Variants in FA2H observed in about 807,000 individuals in gnomAD.
FA2H encodes the protein fatty acid 2-hydroxylase.
Under a neutral mutation model 44.9 loss-of-function variants are expected in FA2H, and 22 were observed. The observed-to-expected ratio is 0.49, with a 90% CI of 0.35 to 0.70. The LOEUF (loss-of-function observed/expected upper bound fraction) is 0.70. Ranked by LOEUF, FA2H falls within the 30% of genes least tolerant of loss-of-function variation. The pLI, the probability that FA2H is intolerant of heterozygous loss-of-function variation, is 0.01. For synonymous variants in FA2H, 243 were observed against 213.2 expected (o/e 1.14, Z -1.22); for missense variants, 501 against 504.9 (o/e 0.99, Z 0.07).
At chr16:74,721,356 C>G (rs1391923392) in intron 4 of FA2H, among the ~76,000 whole-genome samples, 1 of 152,104 alleles carries the variant, frequency 6.6e-6, no homozygotes, top group East Asian at 1.9e-4. Context: ...TTAGTAGAGA[C>G]AGAGTTTCAA....
At chr16:74,749,342 A>C (rs943055651) in intron 1 of FA2H, among the ~76,000 whole-genome samples, 6 of 152,162 alleles carry the variant, frequency 3.9e-5, no homozygotes, top group Non-Finnish European at 7.4e-5. Flanking sequence ...GAGAAGCCTC[A>C]GAACCCCCGA....
At chr16:74,752,874 C>G (rs527450676) in intron 1 of FA2H, among the ~76,000 whole-genome samples, 1 of 152,258 alleles carries the variant, frequency 6.6e-6, no homozygotes, top group Admixed American at 6.5e-5. Flanking sequence ...GGCGGGAGGC[C>G]ATCGCAGATC....
chr16:74,765,376 C>T (rs867790211), intron 1 of FA2H, among the ~76,000 whole-genome samples: 6 of 152,116 alleles, frequency 3.9e-5, no homozygotes, highest in Admixed American at 6.5e-5. Flanking sequence ...AGGCTGGTCT[C>T]GGACTCCTGA....
chr16:74,725,533 C>T (rs1961934045), intron 4 of FA2H, among the ~76,000 whole-genome samples: 1 of 152,236 alleles, frequency 6.6e-6, no homozygotes. Context: ...AGCTGGGGCG[C>T]ACCTGGTATC....
At chr16:74,725,706 C>T (rs1029273429) in intron 4 of FA2H, among the ~76,000 whole-genome samples, 2 of 152,174 alleles carry the variant, frequency 1.3e-5, no homozygotes, top group African/African-American at 4.8e-5. Flanking sequence ...TGGCAAGTGT[C>T]CCATAGAGGT....
chr16:74,763,643 C>T (rs1962754542), intron 1 of FA2H, among the ~76,000 whole-genome samples: 1 of 152,160 alleles, frequency 6.6e-6, no homozygotes, highest in Non-Finnish European at 1.5e-5. Flanking sequence ...GAACATCATT[C>T]AATGCTAAGC....
At chr16:74,770,872 G>A (rs1023634614) in intron 1 of FA2H, among the ~76,000 whole-genome samples, 3 of 152,210 alleles carry the variant, frequency 2.0e-5, no homozygotes, top group African/African-American at 7.2e-5. Flanking sequence ...AGCATGGCCC[G>A]CCCTCGGGCT....
At chr16:74,717,530 G>A (rs116207483) in intron 5 of FA2H, among the ~76,000 whole-genome samples, 2,914 of 152,340 alleles carry the variant, frequency 0.019, 95 homozygotes, top group African/African-American at 0.067. Flanking sequence ...GCTTTCAAGC[G>A]CTGAGGTGGC....
chr16:74,718,781 G>C (rs909480940), intron 5 of FA2H, among the ~76,000 whole-genome samples: 4 of 152,218 alleles, frequency 2.6e-5, no homozygotes, highest in African/African-American at 9.6e-5. Flanking sequence ...CCTGGGGTCA[G>C]CTTGATGCTG....
At chr16:74,720,675 A>G (rs1961816447) in intron 4 of FA2H, among the ~76,000 whole-genome samples, 1 of 152,036 alleles carries the variant, frequency 6.6e-6, no homozygotes, top group Non-Finnish European at 1.5e-5. Context: ...ACCCCAGTCA[A>G]TTTTACAACA....
chr16:74,733,093 G>A (rs986182396), intron 2 of FA2H, among the ~76,000 whole-genome samples: 2 of 152,196 alleles, frequency 1.3e-5, no homozygotes, highest in Non-Finnish European at 2.9e-5. Context: ...CCTCACACCC[G>A]AGCTCTGTAT....
chr16:74,729,710 C>T (rs941934222), intron 2 of FA2H, among the ~76,000 whole-genome samples: 1 of 152,198 alleles, frequency 6.6e-6, no homozygotes, highest in African/African-American at 2.4e-5. Context: ...CAGGGGAACA[C>T]CATTAGAGCC....
Position 74,714,367 on chromosome 16 carries a change from A to G in FA2H, c.1040-98T>C, listed in dbSNP as rs1961647825. On this transcript the variant is annotated intron_variant, in intron 6 of 6. Coordinates refer to ENST00000219368, the MANE Select transcript of FA2H (RefSeq NM_024306.5). Reference sequence around the variant, plus strand: ...CAGGGTAGGGATAAGAGGTGGAGACAATGTCAATATCTGTCCCCTTGGCCT... The same window carrying G: ...CAGGGTAGGGATAAGAGGTGGAGACGATGTCAATATCTGTCCCCTTGGCCT... The G allele has an allele frequency of 1.9e-5, 15 of 790,118 alleles. No individual in the cohort carries two copies. In the South Asian group the frequency reaches 2.0e-4, roughly 11 times the overall value. 48.9% of individuals were successfully genotyped at this position (790,118 alleles called of 1,614,324 possible).
At chr16:74,766,284 G>A (rs148542937) in intron 1 of FA2H, among the ~76,000 whole-genome samples, 340 of 151,606 alleles carry the variant, frequency 2.2e-3, no homozygotes, top group African/African-American at 7.9e-3. Flanking sequence ...GGGGCCGGGG[G>A]AACACAGCAA....
chr16:74,725,967 C>T, intron 4 of FA2H: 12 of 453,162 alleles, frequency 2.6e-5, no homozygotes, highest in East Asian at 8.5e-5. Context: ...CTCTCTCTCT[C>T]TTTTTTTATT....
intron 1 of FA2H, among the ~76,000 whole-genome samples, chr16:74,773,717 T>C (rs1009714044): frequency 2.6e-5 from 4 of 152,132 alleles, no homozygotes; most frequent in Non-Finnish European, 5.9e-5. Flanking sequence ...TATCCTGAAA[T>C]GGGAATAACA....
chr16:74,761,458 A>AAAAG (rs147015393), intron 1 of FA2H, among the ~76,000 whole-genome samples: 2,147 of 93,644 alleles, frequency 0.023, 37 homozygotes, highest in East Asian at 0.17. Context: ...GTCTCAAAAA[A>AAAAG]AAAGAAAGAA....
rs188818780 is a variant in FA2H, at chr16:74,734,898, C to T, written c.363+5125G>A. ...GCAATTGTTTAAAGAAATGTCCACC[C>T]AAACTCAGGCATATTGCCCCAGGGC... On this transcript the variant is annotated intron_variant, in intron 2 of 6. Coordinates refer to ENST00000219368, the MANE Select transcript of FA2H (RefSeq NM_024306.5). 2.0e-5 allele frequency among the ~76,000 whole-genome samples: 3 copies of T among 152,358 alleles called. No individual in the cohort carries two copies. In the East Asian group the frequency reaches 5.8e-4, roughly 29 times the overall value.
intron 1 of FA2H, among the ~76,000 whole-genome samples, chr16:74,763,300 C>G (rs1184672603): frequency 2.0e-5 from 3 of 151,916 alleles, no homozygotes; most frequent in African/African-American, 7.3e-5. Flanking sequence ...TTCTGTTACC[C>G]AGGCTGGAGT....
Sources: gnomAD v4.1 joint callset for allele counts (sites outside exome capture counted in the v4.1 genomes callset) on GRCh38, gnomAD v4.1.1 for gene constraint, MANE v1.5 for transcripts, NCBI Gene and HGNC (gene_info 2026-07-23, HGNC 2026-07-21) for gene names.